TEN1: variants seen among roughly 807,000 people sequenced by gnomAD.
TEN1 encodes the protein TEN1 subunit of CST complex.
A neutral mutation model predicts 9.3 loss-of-function variants in TEN1; 6 were observed. The ratio of observed to expected loss-of-function variants is 0.65; its 90% CI spans 0.35 to 1.27. The LOEUF (loss-of-function observed/expected upper bound fraction) is 1.27. Among genes scored for constraint, TEN1 ranks in the 50% most tolerant of loss-of-function variants. The pLI, the probability that TEN1 is intolerant of heterozygous loss-of-function variation, is 0.03. For missense variants in TEN1, 149 were observed against 158.2 expected, an observed-to-expected ratio of 0.94 and a Z score of 0.31; for synonymous variants, 65 against 65.6, an observed-to-expected ratio of 0.99 and a Z score of 0.04.
rs1035347814 is a variant in TEN1 at position 76,000,463 on chromosome 17, C to T, written c.*201C>T. The T allele has an allele frequency of 2.0e-5, 16 of 799,400 alleles. No individual in the cohort carries two copies. The highest frequency in any genetic ancestry group is 2.6e-5 in the Non-Finnish European group (14 of 534,978). 49.5% of individuals were successfully genotyped at this position (799,400 alleles called of 1,614,324 possible). On this transcript the variant is annotated 3_prime_UTR_variant, in exon 4 of 4. Transcript: ENST00000397640. The surrounding 1 kb of genome is among the most constrained non-coding windows in gnomAD (Gnocchi z 5.9). ...GAACCCAGAAAGCATGCCATAAATC[C>T]GACAGCCCCACCCCAGGAGACTGCA...
intron 1 of TEN1, among the ~76,000 whole-genome samples, chr17:75,980,480 T>G (rs1016868103): frequency 6.6e-6 from 1 of 151,800 alleles, no homozygotes; most frequent in Non-Finnish European, 1.5e-5. Context: ...CAGGCTGCAG[T>G]GTGGTGGTAT....
At chr17:75,982,660 C>T (rs1485772298) in intron 1 of TEN1, among the ~76,000 whole-genome samples, 4 of 152,184 alleles carry the variant, frequency 2.6e-5, no homozygotes, top group Non-Finnish European at 4.4e-5. Flanking sequence ...CCATAGTTCA[C>T]TGCAGCCTCA....
In TEN1 at chr17:75,986,190, C is replaced by A; in HGVS notation, c.-3C>A. The A allele has an allele frequency of 6.5e-7, 1 of 1,545,830 alleles. No individual in the cohort carries two copies. Among genetic ancestry groups the A allele is most frequent in the Non-Finnish European group, 8.7e-7 (1 of 1,144,412 alleles). ...CCTCTCAACTATTTGGTTACAGGAG[C>A]CCATGATGCTGCCCAAACCTGGGAC... On this transcript the variant is annotated 5_prime_UTR_variant, in exon 2 of 4. Coordinates refer to ENST00000397640, the MANE Select transcript of TEN1 (RefSeq NM_001113324.3).
intron 2 of TEN1, among the ~76,000 whole-genome samples, chr17:75,987,412 CAG>C (rs1387885939): frequency 1.3e-5 from 2 of 152,188 alleles, no homozygotes; most frequent in Non-Finnish European, 2.9e-5. Context: ...CAGTTTCTGC[CAG>C]AAGCAGTGAC....
chr17:75,998,300 C>T (rs951268279), intron 3 of TEN1, among the ~76,000 whole-genome samples: 8 of 150,482 alleles, frequency 5.3e-5, no homozygotes, highest in African/African-American at 2.0e-4. Flanking sequence ...CCCAAGTAGT[C>T]GGGCCTGGGT....
intron 3 of TEN1, among the ~76,000 whole-genome samples, chr17:75,995,333 C>A (rs557941551): frequency 6.6e-6 from 1 of 152,002 alleles, no homozygotes; most frequent in South Asian, 2.1e-4. Context: ...TCAAGACCAG[C>A]CTGGGAAATG....
chr17:75,980,187 A>G (rs770162181), intron 1 of TEN1, among the ~76,000 whole-genome samples: 42 of 152,070 alleles, frequency 2.8e-4, no homozygotes, highest in Non-Finnish European at 5.3e-4. Context: ...AAATACCAAA[A>G]AATTAGCTGG....
intron 2 of TEN1, among the ~76,000 whole-genome samples, chr17:75,987,433 A>G (rs898715616): frequency 6.6e-6 from 1 of 152,342 alleles, no homozygotes; most frequent in Admixed American, 6.5e-5. Context: ...ACCAAGAGAA[A>G]GAGCAGGGTG....
intron 1 of TEN1, among the ~76,000 whole-genome samples, chr17:75,980,986 G>A (rs1249445132): frequency 2.0e-5 from 3 of 152,126 alleles, no homozygotes; most frequent in African/African-American, 7.2e-5. Flanking sequence ...ACAAATGGCT[G>A]CTTGACAGCT....
chr17:76,000,012 G>C lies in TEN1; in HGVS notation c.251-129G>C. 7.1e-7 allele frequency: 1 copy of C among 1,415,224 alleles called. No homozygotes were observed. The highest frequency in any genetic ancestry group is 9.4e-7 in the Non-Finnish European group (1 of 1,062,350). The allele number at this position is 1,415,224 out of a possible 1,614,324, so 87.7% of individuals were successfully genotyped here. ...CTCAGTTGCCTTTGCCCCATATGCTGTTATTGTCCACATCACTTGCTGCCA... is the reference window on the plus strand; with the variant it reads ...CTCAGTTGCCTTTGCCCCATATGCTCTTATTGTCCACATCACTTGCTGCCA... On this transcript the variant is annotated intron_variant, in intron 3 of 3. Coordinates refer to ENST00000397640, the MANE Select transcript of TEN1 (RefSeq NM_001113324.3). This position sits in a 1 kb window ranked among gnomAD's most constrained non-coding sequence, Gnocchi z 5.9.
rs768475240 is a variant in TEN1, at chr17:76,000,515, G to A, written c.*253G>A. 13 of 519,374 alleles carry A rather than the reference G, an allele frequency of 2.5e-5. No homozygotes were observed. Among genetic ancestry groups the A allele is most frequent in the Admixed American group, 2.1e-4 (6 of 28,910 alleles). 32.2% of individuals were successfully genotyped at this position (519,374 alleles called of 1,614,324 possible). On this transcript the variant is annotated 3_prime_UTR_variant, in exon 4 of 4. Transcript: ENST00000397640. This position sits in a 1 kb window ranked among gnomAD's most constrained non-coding sequence, Gnocchi z 5.9. ...GTGGCCGAGCTTGGGCGCCGGGGCC[G>A]TGCTTGGTGTGGGGCCATGGAGGGT...
chr17:75,981,596 GTT>G (rs34873669), intron 1 of TEN1, among the ~76,000 whole-genome samples: 79 of 132,168 alleles, frequency 6.0e-4, no homozygotes, highest in Admixed American at 8.5e-4. Context: ...AAAGCAAGTT[GTT>G]TTTTTTTTTT....
chr17:75,994,645 G>C (rs1344732321), intron 3 of TEN1, among the ~76,000 whole-genome samples: 1 of 151,500 alleles, frequency 6.6e-6, no homozygotes, highest in African/African-American at 2.4e-5. Flanking sequence ...GCCTGGCTAA[G>C]TTTTGTATTT....
intron 2 of TEN1, among the ~76,000 whole-genome samples, chr17:75,988,003 G>T (rs1298502507): frequency 1.3e-5 from 2 of 150,828 alleles, no homozygotes. Flanking sequence ...ACTTTGGGAA[G>T]CCTAAGTGGG....
chr17:76,000,522 G>GGCGCCGGGGCCGTGC lies in TEN1; in HGVS notation c.*260_*261insGCGCCGGGGCCGTGC. On this transcript the variant is annotated 3_prime_UTR_variant, in exon 4 of 4. Transcript: ENST00000397640. This position sits in a 1 kb window ranked among gnomAD's most constrained non-coding sequence, Gnocchi z 5.9. ...AGCTTGGGCGCCGGGGCCGTGCTTG[G>GGCGCCGGGGCCGTGC]TGTGGGGCCATGGAGGGTTCCAGAA... 4.0e-6 allele frequency: 2 copies of GGCGCCGGGGCCGTGC among 501,040 alleles called. No individual in the cohort carries two copies. The highest frequency in any genetic ancestry group is 6.9e-6 in the Non-Finnish European group (2 of 288,760). The allele number at this position is 501,040 out of a possible 1,614,324, so 31.0% of individuals were successfully genotyped here.
intron 1 of TEN1, chr17:75,984,643 G>C (rs1282893932): frequency 6.6e-6 from 1 of 152,268 alleles, no homozygotes; most frequent in Non-Finnish European, 1.5e-5. Flanking sequence ...GCCTCCTCAA[G>C]TGCTGGGATT....
chr17:75,991,401 A>G, intron 2 of TEN1, 65 bp from the exon 3 acceptor site: 1 of 1,515,706 alleles, frequency 6.6e-7, no homozygotes, highest in Non-Finnish European at 8.9e-7. Context: ...GGCCATGCAA[A>G]CCTTTTGAGC....
At chr17:75,991,011 C>A (rs1368055639) in intron 2 of TEN1, among the ~76,000 whole-genome samples, 7 of 150,782 alleles carry the variant, frequency 4.6e-5, no homozygotes, top group African/African-American at 1.7e-4. Context: ...TTAGCCAGGC[C>A]TGGTGGCAGG....
chr17:75,980,710 G>A (rs1329516408), intron 1 of TEN1, among the ~76,000 whole-genome samples: 1 of 152,128 alleles, frequency 6.6e-6, no homozygotes, highest in East Asian at 1.9e-4. Context: ...GGCGTGAGCC[G>A]CTGCGCCTAG....
Sources: gnomAD v4.1 joint callset for allele counts (sites outside exome capture counted in the v4.1 genomes callset) on GRCh38, gnomAD v4.1.1 for gene constraint, Gnocchi (gnomAD v3.1) non-coding constraint, MANE v1.5 for transcripts, NCBI Gene and HGNC (gene_info 2026-07-23, HGNC 2026-07-21) for gene names.